ZNF12: variants seen among roughly 807,000 people sequenced by gnomAD.
The protein encoded by ZNF12 is gonadotropin inducible transcription repressor 3.
ZNF12 carries 34 observed loss-of-function variants against 66.6 expected under a neutral mutation model. The observed-to-expected ratio is 0.51, with a 90% CI of 0.39 to 0.68. The LOEUF (loss-of-function observed/expected upper bound fraction) is 0.68, where lower values mean the gene tolerates loss of function less well. Among genes scored for constraint, ZNF12 ranks in the 30% least tolerant of loss-of-function variants. The pLI is 0.00. For synonymous variants in ZNF12, 320 were observed against 278.9 expected, an observed-to-expected ratio of 1.15 and a Z score of -1.47; for missense variants, 697 against 826.9, an observed-to-expected ratio of 0.84 and a Z score of 1.93.
rs759517918 is a variant in ZNF12, at chr7:6,697,992, CAAACAAA to C, written c.16-188_16-182del. The C allele has an allele frequency of 1.8e-5, 16 of 865,534 alleles. No homozygotes were observed. Among genetic ancestry groups the C allele is most frequent in the East Asian group, 2.5e-5 (1 of 40,540 alleles). The allele number at this position is 865,534 out of a possible 1,614,324, so 53.6% of individuals were successfully genotyped here. A position where few individuals can be genotyped will look rare whatever the true frequency, so the allele number is the denominator to read the frequency against. ...GTTCTGGGGTTCATTCAGTATACAT[CAAACAAA>C]AAACAAAAAACAAAAAAACAACACT... On this transcript the variant is annotated intron_variant, in intron 2 of 4. Transcript: ENST00000405858. This position sits in a 1 kb window ranked among gnomAD's most constrained non-coding sequence, Gnocchi z 6.1.
At position 6,692,192 on chromosome 7, in the gene ZNF12, A is replaced by T. The variant is rs745986655; in HGVS notation, c.750T>A (p.Phe250Leu). ...PYKWNGSEIA[F>L]LQMSDLTVHQ... ...GTACAGTGAGGTCCGACATCTGGAG[A>T]AAGGCTATTTCAGATCCATTCCACT... Residue 250 changes from phenylalanine (F) to leucine (L), a missense_variant, in exon 5 of 5, where the codon TTT (phenylalanine) becomes TTA (leucine). This residue lies in a region of ZNF12 where 241 missense variants were observed against 224.0 expected (regional missense o/e 1.08). Coordinates refer to ENST00000405858, the MANE Select transcript of ZNF12 (RefSeq NM_016265.4). The surrounding 1 kb of genome is among the most constrained non-coding windows in gnomAD (Gnocchi z 5.1). The T allele has an allele frequency of 1.9e-6, 3 of 1,614,082 alleles. No homozygotes were observed. In the Admixed American group the frequency reaches 5.0e-5, roughly 27 times the overall value.
At position 6,697,280 on chromosome 7, in the gene ZNF12, A is replaced by G. The variant is rs1780167995; in HGVS notation, c.238+59T>C. 7.2e-7 allele frequency: 1 copy of G among 1,379,956 alleles called. No homozygotes were observed. Among genetic ancestry groups the G allele is most frequent in the Admixed American group, 2.1e-5 (1 of 48,596 alleles). The allele number at this position is 1,379,956 out of a possible 1,614,324, so 85.5% of individuals were successfully genotyped here. ...CTTCTAAAGGTTCGGGACCATTAAA[A>G]AATCCCTGGGAAAAACACTCCCAAG... On this transcript the variant is annotated intron_variant, in intron 4 of 4. Transcript: ENST00000405858. This position sits in a 1 kb window ranked among gnomAD's most constrained non-coding sequence, Gnocchi z 6.1.
intron 1 of ZNF12, among the ~76,000 whole-genome samples, 175 bp downstream of exon 1, chr7:6,706,257 G>A (rs1165952825): frequency 6.6e-6 from 1 of 152,196 alleles, no homozygotes; most frequent in East Asian, 1.9e-4. Flanking sequence ...TGAGGCTGGT[G>A]ACACCCCCCA....
intron 2 of ZNF12, among the ~76,000 whole-genome samples, chr7:6,702,973 A>ACACACACACC (rs1388866250): frequency 1.3e-5 from 2 of 150,548 alleles, no homozygotes; most frequent in African/African-American, 4.9e-5. Context: ...ACACACACAC[A>ACACACACACC]CACACACCTG....
In ZNF12 at chr7:6,705,719, A is replaced by AAAAC. The variant is rs886643608; in HGVS notation, c.-50-500_-50-497dup. 1.6e-4 allele frequency among the ~76,000 whole-genome samples: 25 copies of AAAAC among 152,134 alleles called. No homozygotes were observed. The highest frequency in any genetic ancestry group is 4.1e-4 in the South Asian group (2 of 4,820). ...GGGCAACAAAGCGAAACTTGTCTCA[A>AAAAC]AAACAAACAAACAAACAAACAAAAA... On this transcript the variant is annotated intron_variant, in intron 1 of 4. Coordinates refer to ENST00000405858, the MANE Select transcript of ZNF12 (RefSeq NM_016265.4). The surrounding 1 kb of genome is among the most constrained non-coding windows in gnomAD (Gnocchi z 4.0).
At chr7:6,700,336 C>CACACACACATATATAT (rs59783256) in intron 2 of ZNF12, among the ~76,000 whole-genome samples, 6 of 143,074 alleles carry the variant, frequency 4.2e-5, no homozygotes, top group African/African-American at 1.7e-4. Context: ...CACACACACA[C>CACACACACATATATAT]ATATATATAC....
In ZNF12 at chr7:6,691,275, T is replaced by C; in HGVS notation, c.1667A>G (p.Lys556Arg). 6.2e-7 allele frequency: 1 copy of C among 1,614,070 alleles called. No homozygotes were observed. The highest frequency in any genetic ancestry group is 8.5e-7 in the Non-Finnish European group (1 of 1,179,968). ...GAGGTATGACATCTGAGAGAAGAAT[T>C]TTCCACATATATAGCATTCATAGGG... is the stretch of plus-strand genomic sequence containing the variant. Reference protein sequence around the residue: ...EKPYECYICGKFFSQMSYLTI... With the variant: ...EKPYECYICGRFFSQMSYLTI... Residue 556 changes from lysine to arginine, a missense_variant, in exon 5 of 5, where the codon AAA (lysine) becomes AGA (arginine). Lys to Arg is a conservative substitution (Grantham distance 26). This residue lies in a region of ZNF12 where 401 missense variants were observed against 519.0 expected (regional missense o/e 0.77). Transcript: ENST00000405858.
intron 2 of ZNF12, among the ~76,000 whole-genome samples, chr7:6,703,455 A>C (rs1340147927): frequency 6.6e-6 from 1 of 152,188 alleles, no homozygotes; most frequent in Non-Finnish European, 1.5e-5. Flanking sequence ...CAAACTCAAA[A>C]CAATCGCGAG....
At position 6,705,169 on chromosome 7, in the gene ZNF12, T is replaced by C; in HGVS notation, c.5A>G (p.Asn2Ser). 1 of 1,613,774 alleles carries C rather than the reference T, an allele frequency of 6.2e-7. No individual in the cohort carries two copies. The highest frequency in any genetic ancestry group is 2.2e-5 in the East Asian group (1 of 44,852). Residue 2 changes from asparagine (N) to serine (S), a missense_variant, in exon 2 of 5, where the codon AAT becomes AGT. Around this residue, in one of 3 missense-constraint regions of ZNF12, gnomAD observed 55 missense variants for 83.9 expected, o/e 0.66. Coordinates refer to ENST00000405858, the MANE Select transcript of ZNF12 (RefSeq NM_016265.4). This position sits in a 1 kb window ranked among gnomAD's most constrained non-coding sequence, Gnocchi z 4.0. MNKSLGPVSFKD... is the reference protein window; with the variant it reads MSKSLGPVSFKD... ...AACAGAAACACTCACCAGGGATTTA[T>C]TCATTTTCTGCTGCTCTTGGAAAAA...
intron 4 of ZNF12, among the ~76,000 whole-genome samples, chr7:6,694,174 A>AAAACAAAAC (rs964062706): frequency 4.0e-5 from 6 of 151,872 alleles, no homozygotes; most frequent in Admixed American, 2.0e-4. Flanking sequence ...CTCAAAAAAA[A>AAAACAAAAC]AAACAAAACA....
chr7:6,697,772 G>C lies in ZNF12; in HGVS notation c.55C>G (p.Gln19Glu). 1 of 1,614,124 alleles carries C rather than the reference G, an allele frequency of 6.2e-7. No individual in the cohort carries two copies. Among genetic ancestry groups the C allele is most frequent in the Non-Finnish European group, 8.5e-7 (1 of 1,180,020 alleles). ...GGATCCAGCTGCTGCCATTCCTCCT[G>C]GGTGAAGTCCACAGCCACGTCCTTG... is the stretch of plus-strand genomic sequence containing the variant. The part of the protein sequence containing the change: ...SFKDVAVDFT[Q>E]EEWQQLDPEQ... Residue 19 changes from glutamine (Q) to glutamate (E), a missense_variant, in exon 3 of 5, where the codon CAG becomes GAG. By Grantham distance (29) the Gln-to-Glu change is conservative. Transcript: ENST00000405858. This position sits in a 1 kb window ranked among gnomAD's most constrained non-coding sequence, Gnocchi z 6.1.
intron 2 of ZNF12, among the ~76,000 whole-genome samples, chr7:6,703,456 C>G (rs1031004218): frequency 2.6e-5 from 4 of 152,176 alleles, no homozygotes; most frequent in African/African-American, 9.7e-5. Flanking sequence ...AAACTCAAAA[C>G]AATCGCGAGG....
intron 2 of ZNF12, among the ~76,000 whole-genome samples, chr7:6,701,158 A>T (rs1304139597): frequency 6.6e-6 from 1 of 152,150 alleles, no homozygotes; most frequent in Non-Finnish European, 1.5e-5. Flanking sequence ...TGCATTTAAA[A>T]TCAGACTTCT....
chr7:6,702,486 CCACA>C (rs59156870), intron 2 of ZNF12, among the ~76,000 whole-genome samples: 5 of 42,758 alleles, frequency 1.2e-4, no homozygotes, highest in African/African-American at 7.1e-4. Context: ...CTCCCAAACT[CCACA>C]CACACACACA....
Position 6,692,608 on chromosome 7 carries a change from C to G in ZNF12, c.334G>C (p.Glu112Gln). ...GTTTTACCAGGAACATTACCTCTCT[C>G]TTCAATCAGGGTCTCAATGAACACA... ...QTVFIETLIEERGNVPGKTFD... is the reference protein window; with the variant it reads ...QTVFIETLIEQRGNVPGKTFD... The change falls in exon 5 of 5, where the codon GAG becomes CAG. Residue 112 changes from glutamate to glutamine, a missense_variant. Glu to Gln is a conservative substitution (Grantham distance 29). Around this residue, in one of 3 missense-constraint regions of ZNF12, gnomAD observed 241 missense variants for 224.0 expected, o/e 1.08. Coordinates refer to ENST00000405858, the MANE Select transcript of ZNF12 (RefSeq NM_016265.4). The surrounding 1 kb of genome is among the most constrained non-coding windows in gnomAD (Gnocchi z 5.1). 1 of 1,613,872 alleles carries G rather than the reference C, an allele frequency of 6.2e-7. No homozygotes were observed. The highest frequency in any genetic ancestry group is 1.1e-5 in the South Asian group (1 of 91,058).
Position 6,706,621 on chromosome 7 carries a change from T to G in ZNF12, c.-240A>C, listed in dbSNP as rs1001306472. Reference sequence around the variant, plus strand: ...GCGTCCCTCCCGGAGCCCAGATCCGTCTCCCTGGGGCTCACCGTCCTGCGG... The same window carrying G: ...GCGTCCCTCCCGGAGCCCAGATCCGGCTCCCTGGGGCTCACCGTCCTGCGG... On this transcript the variant is annotated 5_prime_UTR_variant, in exon 1 of 5. Transcript: ENST00000405858. 91 of 449,196 alleles carry G rather than the reference T, an allele frequency of 2.0e-4. 1 individual carries two copies. In the Middle Eastern group the frequency reaches 4.0e-3, roughly 20 times the overall value. The allele number at this position is 449,196 out of a possible 1,614,324, so 27.8% of individuals were successfully genotyped here. A position where few individuals can be genotyped will look rare whatever the true frequency, so the allele number is the denominator to read the frequency against.
At chr7:6,694,283 G>A (rs183043598) in intron 4 of ZNF12, among the ~76,000 whole-genome samples, 4 of 152,118 alleles carry the variant, frequency 2.6e-5, no homozygotes, top group Non-Finnish European at 4.4e-5. Context: ...CCTGACTACT[G>A]TACTTGCTAT....
In ZNF12 at chr7:6,690,508, T is replaced by C. The variant is rs953947601; in HGVS notation, c.*340A>G. On this transcript the variant is annotated 3_prime_UTR_variant, in exon 5 of 5. Transcript: ENST00000405858. ...GAAACATATCTTTTAGTATTAACAG[T>C]TTCCAAAGGATTATGTCTTCCACAT... 2.7e-5 allele frequency: 5 copies of C among 182,686 alleles called. No homozygotes were observed. The highest frequency in any genetic ancestry group is 1.2e-4 in the African/African-American group (5 of 42,642). The allele number at this position is 182,686 out of a possible 1,614,324, so 11.3% of individuals were successfully genotyped here.
In ZNF12 at chr7:6,697,850, T is replaced by C. The variant is rs749264997; in HGVS notation, c.16-39A>G. The C allele has an allele frequency of 3.7e-6, 6 of 1,613,146 alleles. No individual in the cohort carries two copies. The Admixed American group carries it at 6.7e-5, about 18-fold the overall frequency. ...GTGATTGGAATTGGGTGACGTGAAATAGGCACATAGGTACAAGATCTTAGC... is the reference window on the plus strand; with the variant it reads ...GTGATTGGAATTGGGTGACGTGAAACAGGCACATAGGTACAAGATCTTAGC... On this transcript the variant is annotated intron_variant, in intron 2 of 4. Coordinates refer to ENST00000405858, the MANE Select transcript of ZNF12 (RefSeq NM_016265.4). The surrounding 1 kb of genome is among the most constrained non-coding windows in gnomAD (Gnocchi z 6.1).
Sources: allele counts gnomAD v4.1 joint callset (sites outside exome capture counted in the v4.1 genomes callset), GRCh38; gene constraint gnomAD v4.1.1; regional missense constraint gnomAD v4.1.1; non-coding constraint Gnocchi (gnomAD v3.1); transcripts MANE v1.5; gene names NCBI Gene and HGNC (gene_info 2026-07-23, HGNC 2026-07-21).